The following CNTN5 variants were observed in gnomAD, a reference collection of about 807,000 sequenced individuals.
CNTN5 encodes the protein contactin 5, also known as contactin-5.
CNTN5 carries 77 observed loss-of-function variants against 129.1 expected under a neutral mutation model. That is an observed-to-expected ratio of 0.60 (90% CI 0.50 to 0.72). The LOEUF is 0.72. Ranked by LOEUF, CNTN5 falls within the 30% of genes least tolerant of loss-of-function variation. CNTN5 has a pLI of 0.00. For synonymous variants in CNTN5, 509 were observed against 465.6 expected, an observed-to-expected ratio of 1.09 and a Z score of -1.20; for missense variants, 1,478 against 1,328.8, an observed-to-expected ratio of 1.11 and a Z score of -1.75.
intron 1 of CNTN5, among the ~76,000 whole-genome samples, chr11:99,142,588 G>A (rs1859576233): frequency 6.6e-6 from 1 of 152,086 alleles, no homozygotes; most frequent in South Asian, 2.1e-4. Context: ...AGACTGGATG[G>A]TGCTCAGAAC....
chr11:99,948,821 A>AT (rs1395209599), intron 7 of CNTN5, among the ~76,000 whole-genome samples: 1 of 152,210 alleles, frequency 6.6e-6, no homozygotes, highest in East Asian at 1.9e-4. Context: ...GCGTGCGCAC[A>AT]TCCAGCAGCT....
chr11:99,465,941 G>C (rs944938265), intron 2 of CNTN5, among the ~76,000 whole-genome samples: 26 of 150,340 alleles, frequency 1.7e-4, no homozygotes, highest in Non-Finnish European at 3.4e-4. Context: ...GAGTGCAGTG[G>C]TGCGATCTCG....
intron 1 of CNTN5, among the ~76,000 whole-genome samples, chr11:99,033,927 T>G (rs1420759124): frequency 6.6e-6 from 1 of 151,294 alleles, no homozygotes; most frequent in Non-Finnish European, 1.5e-5. Context: ...GCTCTTATTA[T>G]TTTGAAATAC....
intron 1 of CNTN5, among the ~76,000 whole-genome samples, chr11:99,161,434 C>T (rs1461524564): frequency 6.6e-6 from 1 of 151,430 alleles, no homozygotes; most frequent in Non-Finnish European, 1.5e-5. Flanking sequence ...CAGTTCTGGC[C>T]AAGGAGATAA....
chr11:99,589,309 A>T (rs1179765738), intron 3 of CNTN5, among the ~76,000 whole-genome samples: 1 of 152,226 alleles, frequency 6.6e-6, no homozygotes, highest in African/African-American at 2.4e-5. Context: ...AAATGCAATA[A>T]TTTGGAAGTG....
chr11:99,569,345 G>A (rs367801433), intron 3 of CNTN5, among the ~76,000 whole-genome samples: 61 of 151,430 alleles, frequency 4.0e-4, no homozygotes, highest in African/African-American at 1.0e-3. Flanking sequence ...GCAGAGTCTC[G>A]CTCTGGCGCC....
intron 2 of CNTN5, among the ~76,000 whole-genome samples, chr11:99,427,759 C>T: frequency 1.2e-5 from 1 of 85,818 alleles, no homozygotes. Context: ...CAGCAAGACT[C>T]AGTCTCAAAA....
At chr11:100,112,179 T>C (rs1330611837) in intron 13 of CNTN5, among the ~76,000 whole-genome samples, 1 of 152,126 alleles carries the variant, frequency 6.6e-6, no homozygotes, top group African/African-American at 2.4e-5. Context: ...CAGAGACTGC[T>C]TTACCATGTT....
intron 9 of CNTN5, among the ~76,000 whole-genome samples, chr11:100,023,288 C>A (rs1420324794): frequency 1.3e-5 from 2 of 152,198 alleles, no homozygotes; most frequent in African/African-American, 4.8e-5. Flanking sequence ...TGTTAATCAC[C>A]TCCAGTGTGT....
At chr11:99,317,336 T>A (rs1483560296) in intron 1 of CNTN5, among the ~76,000 whole-genome samples, 1 of 152,150 alleles carries the variant, frequency 6.6e-6, no homozygotes, top group East Asian at 1.9e-4. Context: ...AGGAGAAAAT[T>A]TCTAGTTATC....
intron 1 of CNTN5, among the ~76,000 whole-genome samples, chr11:99,286,968 G>A (rs186694430): frequency 6.6e-6 from 1 of 152,186 alleles, no homozygotes; most frequent in African/African-American, 2.4e-5. Context: ...TCTGAATTTG[G>A]AATATGTCAA....
chr11:99,704,408 G>A (rs143742796), intron 3 of CNTN5, among the ~76,000 whole-genome samples: 1 of 150,984 alleles, frequency 6.6e-6, no homozygotes, highest in East Asian at 2.0e-4. Flanking sequence ...GACTTAAGTT[G>A]TGCACTCTAC....
chr11:99,077,257 ATTG>A (rs1437339593), intron 1 of CNTN5, among the ~76,000 whole-genome samples: 1 of 152,252 alleles, frequency 6.6e-6, no homozygotes, highest in Non-Finnish European at 1.5e-5. Flanking sequence ...TAAGTGATAT[ATTG>A]TTCCAGGAGC....
intron 1 of CNTN5, among the ~76,000 whole-genome samples, chr11:99,143,629 A>G (rs1487853506): frequency 1.3e-5 from 2 of 152,022 alleles, no homozygotes; most frequent in Non-Finnish European, 2.9e-5. Context: ...CAAGCTGTAC[A>G]TGGCTATATT....
intron 1 of CNTN5, among the ~76,000 whole-genome samples, chr11:99,150,003 G>C (rs1859971024): frequency 6.6e-6 from 1 of 151,972 alleles, no homozygotes; most frequent in Non-Finnish European, 1.5e-5. Flanking sequence ...TAAATAATTA[G>C]TGTTCAATAA....
At chr11:100,221,069 G>T (rs913835512) in intron 15 of CNTN5, among the ~76,000 whole-genome samples, 1 of 152,130 alleles carries the variant, frequency 6.6e-6, no homozygotes, top group Admixed American at 6.6e-5. Context: ...TCAGAGACAT[G>T]AACAAAGTGA....
At chr11:99,351,590 G>T (rs1410304849) in intron 2 of CNTN5, among the ~76,000 whole-genome samples, 1 of 152,000 alleles carries the variant, frequency 6.6e-6, no homozygotes, top group Admixed American at 6.6e-5. Flanking sequence ...ATAAATGATG[G>T]TATAAACGAT....
chr11:100,183,576 C>A (rs898906168), intron 13 of CNTN5, among the ~76,000 whole-genome samples: 1 of 151,930 alleles, frequency 6.6e-6, no homozygotes, highest in African/African-American at 2.4e-5. Context: ...ACTAACTTAT[C>A]GTGATGGGAA....
chr11:100,285,193 T>G (rs1172375317), intron 18 of CNTN5, among the ~76,000 whole-genome samples: 1 of 152,226 alleles, frequency 6.6e-6, no homozygotes, highest in Non-Finnish European at 1.5e-5. Flanking sequence ...ATTTACAAAC[T>G]AGTAATCATG....
Sources: allele counts gnomAD v4.1 joint callset (sites outside exome capture counted in the v4.1 genomes callset), GRCh38; gene constraint gnomAD v4.1.1; transcripts MANE v1.5; gene names NCBI Gene and HGNC (gene_info 2026-07-23, HGNC 2026-07-21).